The following CNBD1 variants were observed in gnomAD, a reference collection of about 807,000 sequenced individuals.
CNBD1 encodes the protein cyclic nucleotide binding domain containing 1, also known as cyclic nucleotide-binding domain-containing protein 1.
In CNBD1, 71 loss-of-function variants were observed where a neutral mutation model predicts 54.4. The ratio of observed to expected loss-of-function variants is 1.30; its 90% CI spans 1.08 to 1.59. The LOEUF (loss-of-function observed/expected upper bound fraction) is 1.59, where lower values mean the gene tolerates loss of function less well. Among genes scored for constraint, CNBD1 ranks in the 40% most tolerant of loss-of-function variants. The pLI is 0.00. For missense variants in CNBD1, 659 were observed against 518.0 expected, an observed-to-expected ratio of 1.27 and a Z score of -2.64; for synonymous variants, 182 against 170.7, an observed-to-expected ratio of 1.07 and a Z score of -0.51.
intron 4 of CNBD1, among the ~76,000 whole-genome samples, chr8:86,973,666 C>T (rs1563843433): frequency 1.3e-5 from 2 of 152,130 alleles, no homozygotes; most frequent in Non-Finnish European, 2.9e-5. Flanking sequence ...ATTTTCAATG[C>T]CCTGACATGT....
intron 4 of CNBD1, among the ~76,000 whole-genome samples, chr8:87,076,156 T>C (rs531844410): frequency 6.6e-6 from 1 of 152,294 alleles, no homozygotes. Context: ...ATATCCAGCA[T>C]GAAGTGGGTG....
chr8:87,421,480 G>A (rs1255180711), intron 2 of CNBD1, among the ~76,000 whole-genome samples: 1 of 134,142 alleles, frequency 7.5e-6, no homozygotes, highest in African/African-American at 2.8e-5. Context: ...CTGTGTCCAT[G>A]TGATCTCATT....
chr8:87,152,345 G>T (rs1384936924), intron 4 of CNBD1, among the ~76,000 whole-genome samples: 1 of 151,534 alleles, frequency 6.6e-6, no homozygotes, highest in Non-Finnish European at 1.5e-5. Context: ...TGTAACAGGG[G>T]TGTCCAATCT....
chr8:86,984,030 G>T (rs983691583), intron 4 of CNBD1, among the ~76,000 whole-genome samples: 3 of 152,138 alleles, frequency 2.0e-5, no homozygotes, highest in African/African-American at 7.2e-5. Flanking sequence ...AGGCTCAGAG[G>T]ACTAGGAGAA....
intron 4 of CNBD1, among the ~76,000 whole-genome samples, chr8:86,969,789 T>TACACACAC (rs777810367): frequency 9.2e-4 from 34 of 36,918 alleles, no homozygotes; most frequent in African/African-American, 1.5e-3. Flanking sequence ...TTTATATATA[T>TACACACAC]ATATACACAC....
intron 8 of CNBD1, among the ~76,000 whole-genome samples, chr8:87,344,542 G>A (rs899527809): frequency 1.5e-4 from 23 of 152,050 alleles, no homozygotes; most frequent in African/African-American, 4.1e-4. Flanking sequence ...TATAGTGATC[G>A]AATTCATTTG....
At chr8:87,360,642 T>G (rs1810507110) in intron 10 of CNBD1, among the ~76,000 whole-genome samples, 1 of 151,962 alleles carries the variant, frequency 6.6e-6, no homozygotes, top group African/African-American at 2.4e-5. Flanking sequence ...ACAAGTGTAC[T>G]ACTTTTGTAA....
At chr8:87,091,834 G>GCA (rs143097399) in intron 4 of CNBD1, among the ~76,000 whole-genome samples, 8 of 151,516 alleles carry the variant, frequency 5.3e-5, no homozygotes, top group African/African-American at 1.9e-4. Context: ...TTATGTAAAA[G>GCA]CACACACACA....
chr8:87,171,457 A>C lies in CNBD1; in HGVS notation c.432-34536A>C, dbSNP rs994897902. On this transcript the variant is annotated intron_variant, in intron 4 of 10. Coordinates refer to ENST00000518476, the MANE Select transcript of CNBD1 (RefSeq NM_173538.3). Reference sequence around the variant, plus strand: ...TTGTCCATTTTATCTTTAAAAAAAAACCAACTTTTTGTTTTGTTGATCTTT... The same window carrying C: ...TTGTCCATTTTATCTTTAAAAAAAACCCAACTTTTTGTTTTGTTGATCTTT... Among the ~76,000 whole-genome samples the C allele has an allele frequency of 7.3e-5, 11 of 151,568 alleles. No individual in the cohort carries two copies. The South Asian group carries it at 8.3e-4, about 11-fold the overall frequency.
At chr8:87,047,899 G>A (rs558021303) in intron 4 of CNBD1, among the ~76,000 whole-genome samples, 1 of 152,298 alleles carries the variant, frequency 6.6e-6, no homozygotes, top group South Asian at 2.1e-4. Context: ...TAGGGTAAAG[G>A]TGGGATTGAG....
chr8:87,328,031 C>T (rs908325785), intron 8 of CNBD1, among the ~76,000 whole-genome samples: 7 of 151,542 alleles, frequency 4.6e-5, no homozygotes, highest in Non-Finnish European at 8.8e-5. Context: ...AGGTTTGTTC[C>T]ATAGGTATAT....
At chr8:86,968,314 G>A (rs1285550672) in intron 4 of CNBD1, among the ~76,000 whole-genome samples, 1 of 152,124 alleles carries the variant, frequency 6.6e-6, no homozygotes, top group Non-Finnish European at 1.5e-5. Flanking sequence ...GGCCTGATAA[G>A]GTTCTGGGGG....
intron 4 of CNBD1, among the ~76,000 whole-genome samples, chr8:87,205,201 A>C (rs1204594976): frequency 6.6e-6 from 1 of 152,036 alleles, no homozygotes; most frequent in African/African-American, 2.4e-5. Context: ...ACTGCTGAGC[A>C]TTTTGTATTT....
intron 1 of CNBD1, among the ~76,000 whole-genome samples, chr8:86,876,249 A>AT (rs1563807433): frequency 6.9e-6 from 1 of 145,204 alleles, no homozygotes; most frequent in Non-Finnish European, 1.5e-5. Context: ...ATTATTCCCC[A>AT]TTTTTTTCAA....
intron 5 of CNBD1, among the ~76,000 whole-genome samples, chr8:87,226,321 A>T (rs1231894362): frequency 2.0e-5 from 3 of 150,020 alleles, no homozygotes; most frequent in African/African-American, 7.5e-5. Flanking sequence ...TAGTTCTTTT[A>T]ATTGTGATGT....
intron 2 of CNBD1, among the ~76,000 whole-genome samples, chr8:87,415,600 A>C (rs754389236): frequency 1.3e-5 from 2 of 152,006 alleles, no homozygotes; most frequent in Admixed American, 6.6e-5. Flanking sequence ...CAATTCCTGA[A>C]ACTTGTCCTG....
chr8:86,990,496 A>G (rs550433751), intron 4 of CNBD1, among the ~76,000 whole-genome samples: 47 of 152,172 alleles, frequency 3.1e-4, no homozygotes, highest in African/African-American at 1.1e-3. Flanking sequence ...AAATGAGTTC[A>G]GTGTAGGTGT....
intron 4 of CNBD1, among the ~76,000 whole-genome samples, chr8:87,131,320 C>G (rs1032630414): frequency 8.6e-5 from 13 of 152,044 alleles, no homozygotes; most frequent in African/African-American, 3.1e-4. Flanking sequence ...TCTAATTTAT[C>G]TATTTGCTTT....
chr8:86,920,010 GAA>G (rs144571030), intron 3 of CNBD1, among the ~76,000 whole-genome samples: 2 of 147,090 alleles, frequency 1.4e-5, no homozygotes, highest in African/African-American at 2.5e-5. Context: ...TTCAGAATGT[GAA>G]AAAAAAAAGT....
Sources: allele counts gnomAD v4.1 joint callset (sites outside exome capture counted in the v4.1 genomes callset), GRCh38; gene constraint gnomAD v4.1.1; transcripts MANE v1.5; gene names NCBI Gene and HGNC (gene_info 2026-07-23, HGNC 2026-07-21).